HIP1: variants seen among roughly 807,000 people sequenced by gnomAD.
HIP1 encodes huntingtin-interacting protein 1.
In HIP1, 65 loss-of-function variants were observed where a neutral mutation model predicts 147.6. The ratio of observed to expected loss-of-function variants is 0.44; its 90% CI spans 0.36 to 0.54. HIP1 has a LOEUF of 0.54. Among genes scored for constraint, HIP1 ranks in the 20% least tolerant of loss-of-function variants. HIP1 has a pLI of 0.00. For synonymous variants in HIP1, 479 were observed against 504.0 expected (o/e 0.95, Z 0.67); for missense variants, 1,061 against 1,299.6 (o/e 0.82, Z 2.82).
intron 1 of HIP1, among the ~76,000 whole-genome samples, chr7:75,675,351 C>T (rs1225753576): frequency 1.3e-5 from 2 of 152,130 alleles, no homozygotes; most frequent in African/African-American, 2.4e-5. Context: ...CGGGCACACA[C>T]CACCACACCC....
At chr7:75,631,649 A>C (rs1327708360) in intron 1 of HIP1, among the ~76,000 whole-genome samples, 2 of 152,198 alleles carry the variant, frequency 1.3e-5, no homozygotes, top group African/African-American at 4.8e-5. Flanking sequence ...TCTAAAGGAC[A>C]CATGGGGAAT....
chr7:75,696,483 T>C (rs1800636884), intron 1 of HIP1, among the ~76,000 whole-genome samples: 1 of 149,534 alleles, frequency 6.7e-6, no homozygotes, highest in Non-Finnish European at 1.5e-5. Context: ...TTCCTTCCTT[T>C]CCTTTCCTTC....
At chr7:75,729,305 C>CAAAA (rs35202804) in intron 1 of HIP1, among the ~76,000 whole-genome samples, 37 of 49,182 alleles carry the variant, frequency 7.5e-4, no homozygotes, top group African/African-American at 1.8e-3. Context: ...CTTGTCTCTG[C>CAAAA]AAAAAAAAAA....
intron 2 of HIP1, among the ~76,000 whole-genome samples, chr7:75,595,251 T>TCTTTCTTTTTCTTCCTTC (rs1491144475): frequency 1.7e-5 from 1 of 59,504 alleles, no homozygotes; most frequent in African/African-American, 8.7e-5. Flanking sequence ...TTTCTTTCTT[T>TCTTTCTTTTTCTTCCTTC]CTTCCTTCCT....
intron 30 of HIP1, among the ~76,000 whole-genome samples, chr7:75,539,086 A>T (rs1794199245): frequency 6.6e-6 from 1 of 152,240 alleles, no homozygotes; most frequent in Admixed American, 6.5e-5. Flanking sequence ...AGTTATGATC[A>T]ATGTTTAGGT....
At chr7:75,643,893 G>A (rs920437126) in intron 1 of HIP1, among the ~76,000 whole-genome samples, 2 of 152,052 alleles carry the variant, frequency 1.3e-5, no homozygotes, top group African/African-American at 4.8e-5. Flanking sequence ...TCAGCTACTC[G>A]AGAGGTTGAG....
chr7:75,722,807 C>T (rs1801538560), intron 1 of HIP1, among the ~76,000 whole-genome samples: 1 of 152,058 alleles, frequency 6.6e-6, no homozygotes, highest in South Asian at 2.1e-4. Context: ...CTTGGAATTG[C>T]AACAAAGAAC....
chr7:75,719,429 G>A (rs1400989195), intron 1 of HIP1, among the ~76,000 whole-genome samples: 4 of 151,702 alleles, frequency 2.6e-5, no homozygotes, highest in South Asian at 2.1e-4. Context: ...GCGGGAACCC[G>A]GAAGGTGGAG....
At chr7:75,626,874 T>C (rs1563254295) in intron 1 of HIP1, 1 of 140,602 alleles carries the variant, frequency 7.1e-6, no homozygotes, top group Non-Finnish European at 1.6e-5. Context: ...TTCAACCTAG[T>C]GCATGCACAC....
intron 5 of HIP1, among the ~76,000 whole-genome samples, chr7:75,585,816 T>C (rs141456214): frequency 6.6e-6 from 1 of 151,974 alleles, no homozygotes; most frequent in East Asian, 1.9e-4. Context: ...TGTCACCTTC[T>C]TCTCTCTTTT....
intron 1 of HIP1, among the ~76,000 whole-genome samples, chr7:75,619,512 T>C (rs1554506638): frequency 1.3e-5 from 1 of 76,436 alleles, no homozygotes; most frequent in South Asian, 3.5e-4. Flanking sequence ...CAAGACTTTG[T>C]CTCAAAAAAA....
At chr7:75,623,683 G>A (rs868986655) in intron 1 of HIP1, among the ~76,000 whole-genome samples, 48 of 152,276 alleles carry the variant, frequency 3.2e-4, no homozygotes, top group African/African-American at 1.1e-3. Context: ...GCCAGCCTCC[G>A]CCTCCTCTTC....
At chr7:75,627,569 T>G (rs1447575192) in intron 1 of HIP1, among the ~76,000 whole-genome samples, 1 of 152,138 alleles carries the variant, frequency 6.6e-6, no homozygotes, top group East Asian at 1.9e-4. Flanking sequence ...TGAGACACGG[T>G]GCTCTGTCAC....
chr7:75,651,029 C>T (rs1428081419), intron 1 of HIP1, among the ~76,000 whole-genome samples: 1 of 152,126 alleles, frequency 6.6e-6, no homozygotes, highest in Non-Finnish European at 1.5e-5. Flanking sequence ...GGTGCTTATT[C>T]ATCCCGCACA....
intron 1 of HIP1, among the ~76,000 whole-genome samples, chr7:75,703,954 G>C (rs1466785920): frequency 5.9e-5 from 9 of 152,150 alleles, no homozygotes; most frequent in Non-Finnish European, 1.3e-4. Context: ...AGAGTCTAGG[G>C]AAAAGCCAGG....
chr7:75,549,882 C>G (rs923060582), intron 22 of HIP1, among the ~76,000 whole-genome samples: 1 of 151,496 alleles, frequency 6.6e-6, no homozygotes, highest in South Asian at 2.1e-4. Flanking sequence ...CACTATGTTG[C>G]CCAGGCTGGT....
At chr7:75,622,889 C>A (rs201070620) in intron 1 of HIP1, among the ~76,000 whole-genome samples, 1 of 123,472 alleles carries the variant, frequency 8.1e-6, no homozygotes, top group African/African-American at 3.8e-5. Flanking sequence ...ATCTATCTAT[C>A]TATCTATATA....
intron 1 of HIP1, among the ~76,000 whole-genome samples, chr7:75,678,340 CTTTTTTTTTT>C (rs782045169): frequency 1.2e-5 from 1 of 86,342 alleles, no homozygotes; most frequent in Non-Finnish European, 2.2e-5. Flanking sequence ...TTCCTTTATT[CTTTTTTTTTT>C]TTTTTTTTTT....
intron 1 of HIP1, among the ~76,000 whole-genome samples, chr7:75,634,693 A>G (rs1554509385): frequency 6.6e-6 from 1 of 152,168 alleles, no homozygotes; most frequent in East Asian, 1.9e-4. Flanking sequence ...TGGGATGCTG[A>G]GGCAGGAGGA....
Sources: gnomAD v4.1 joint callset for allele counts (sites outside exome capture counted in the v4.1 genomes callset) on GRCh38, gnomAD v4.1.1 for gene constraint, MANE v1.5 for transcripts, NCBI Gene and HGNC (gene_info 2026-07-23, HGNC 2026-07-21) for gene names.